Variants in ZNF804B observed in about 807,000 individuals in gnomAD.
ZNF804B encodes zinc finger 804B.
A neutral mutation model predicts 101.4 loss-of-function variants in ZNF804B; 80 were observed. That is an observed-to-expected ratio of 0.79 (90% CI 0.66 to 0.95). ZNF804B has a LOEUF of 0.95. Ranked by LOEUF, ZNF804B falls within the 40% of genes least tolerant of loss-of-function variation. ZNF804B has a pLI of 0.00. For missense variants in ZNF804B, 1,673 were observed against 1,561.9 expected, an observed-to-expected ratio of 1.07 and a Z score of -1.20; for synonymous variants, 622 against 558.8, an observed-to-expected ratio of 1.11 and a Z score of -1.59.
intron 1 of ZNF804B, 103 bp downstream of exon 1, chr7:88,760,187 C>T: frequency 2.2e-6 from 2 of 927,896 alleles, no homozygotes; most frequent in Non-Finnish European, 3.4e-6. Flanking sequence ...AGGTGGTGGA[C>T]ATCTAAAACG....
intron 1 of ZNF804B, among the ~76,000 whole-genome samples, chr7:88,798,933 C>T (rs1314012875): frequency 1.3e-5 from 2 of 152,042 alleles, no homozygotes; most frequent in Non-Finnish European, 2.9e-5. Flanking sequence ...TGTTATTCTA[C>T]CCAGAGTGAT....
chr7:89,231,755 T>G (rs554449855), intron 2 of ZNF804B, among the ~76,000 whole-genome samples: 1 of 152,200 alleles, frequency 6.6e-6, no homozygotes, highest in East Asian at 1.9e-4. Context: ...ATCCAATAGA[T>G]TTTTTATATT....
chr7:89,303,474 G>T (rs928679975), intron 2 of ZNF804B, among the ~76,000 whole-genome samples: 2 of 151,856 alleles, frequency 1.3e-5, no homozygotes, highest in Admixed American at 1.3e-4. Context: ...ACCAGCTAGG[G>T]CTCAGGAGTC....
chr7:89,174,666 C>A (rs1456701937), intron 1 of ZNF804B, among the ~76,000 whole-genome samples: 1 of 151,896 alleles, frequency 6.6e-6, no homozygotes, highest in African/African-American at 2.4e-5. Flanking sequence ...TTTTGAGGAA[C>A]CTCCATAGTA....
intron 2 of ZNF804B, among the ~76,000 whole-genome samples, chr7:89,265,570 T>C (rs1309006302): frequency 6.6e-6 from 1 of 152,218 alleles, no homozygotes; most frequent in African/African-American, 2.4e-5. Context: ...TACAGAAGGA[T>C]AGTAAAATCT....
At chr7:89,096,145 A>G (rs1789968740) in intron 1 of ZNF804B, among the ~76,000 whole-genome samples, 1 of 109,858 alleles carries the variant, frequency 9.1e-6, no homozygotes. Flanking sequence ...ACAGAGCCAG[A>G]CTCCATTTAA....
chr7:89,259,081 T>C (rs1253854718), intron 2 of ZNF804B, among the ~76,000 whole-genome samples: 1 of 152,158 alleles, frequency 6.6e-6, no homozygotes, highest in African/African-American at 2.4e-5. Flanking sequence ...ATAAGATAAG[T>C]CAAAAGTAGT....
chr7:89,268,868 T>C (rs1413481631), intron 2 of ZNF804B, among the ~76,000 whole-genome samples: 1 of 152,044 alleles, frequency 6.6e-6, no homozygotes, highest in African/African-American at 2.4e-5. Flanking sequence ...GTACACTCTT[T>C]AGACAAGTGC....
intron 1 of ZNF804B, among the ~76,000 whole-genome samples, chr7:89,033,961 C>T (rs1432246429): frequency 1.3e-5 from 2 of 151,950 alleles, no homozygotes; most frequent in Non-Finnish European, 2.9e-5. Flanking sequence ...TCAACATTTA[C>T]AATACAAGTT....
chr7:88,770,290 T>A (rs1353203521), intron 1 of ZNF804B, among the ~76,000 whole-genome samples: 1 of 152,112 alleles, frequency 6.6e-6, no homozygotes, highest in Non-Finnish European at 1.5e-5. Context: ...GATCACACAG[T>A]GGGGTCCAAC....
intron 2 of ZNF804B, among the ~76,000 whole-genome samples, chr7:89,298,277 A>G (rs937731274): frequency 4.1e-5 from 5 of 122,188 alleles, no homozygotes; most frequent in African/African-American, 1.5e-4. Context: ...TCTAGGTTAC[A>G]TGTGCAGAAC....
At chr7:89,173,718 TATCC>T (rs1230504649) in intron 1 of ZNF804B, among the ~76,000 whole-genome samples, 1 of 151,976 alleles carries the variant, frequency 6.6e-6, no homozygotes, top group Non-Finnish European at 1.5e-5. Flanking sequence ...GTCTTCTGTC[TATCC>T]ATCCATTTAT....
At chr7:88,934,538 C>G (rs776583519) in intron 1 of ZNF804B, among the ~76,000 whole-genome samples, 2 of 151,632 alleles carry the variant, frequency 1.3e-5, no homozygotes, top group South Asian at 2.1e-4. Context: ...ACAAGGAACT[C>G]AAATCGGCAA....
intron 1 of ZNF804B, among the ~76,000 whole-genome samples, chr7:89,073,585 A>G (rs1789573905): frequency 6.6e-6 from 1 of 152,114 alleles, no homozygotes; most frequent in Admixed American, 6.6e-5. Context: ...ATTTTTTAAG[A>G]ACTTTTTCTA....
chr7:89,008,365 A>G (rs1788401211), intron 1 of ZNF804B, among the ~76,000 whole-genome samples: 1 of 152,176 alleles, frequency 6.6e-6, no homozygotes, highest in Non-Finnish European at 1.5e-5. Context: ...TATCCTCAGT[A>G]TGCTCGCCAT....
intron 1 of ZNF804B, among the ~76,000 whole-genome samples, chr7:88,900,535 C>A (rs1057109614): frequency 6.8e-6 from 1 of 146,766 alleles, no homozygotes; most frequent in Non-Finnish European, 1.5e-5. Context: ...TAAATTTGGT[C>A]ATTCCAAAAA....
chr7:89,048,590 T>A (rs989786601), intron 1 of ZNF804B, among the ~76,000 whole-genome samples: 1 of 151,842 alleles, frequency 6.6e-6, no homozygotes, highest in African/African-American at 2.4e-5. Context: ...TTAAAAATAA[T>A]AAAAAGCCCT....
At chr7:89,254,854 C>T (rs1584085794) in intron 2 of ZNF804B, among the ~76,000 whole-genome samples, 1 of 152,164 alleles carries the variant, frequency 6.6e-6, no homozygotes, top group African/African-American at 2.4e-5. Context: ...CCATGTTGGC[C>T]AAGCTGGTTG....
chr7:89,193,457 C>T (rs545235456), intron 1 of ZNF804B, among the ~76,000 whole-genome samples: 6 of 145,554 alleles, frequency 4.1e-5, no homozygotes, highest in African/African-American at 1.3e-4. Flanking sequence ...TGCTATCCCT[C>T]ACCCCTCCCC....
Sources: gnomAD v4.1 joint callset for allele counts (sites outside exome capture counted in the v4.1 genomes callset) on GRCh38, gnomAD v4.1.1 for gene constraint, MANE v1.5 for transcripts, NCBI Gene and HGNC (gene_info 2026-07-23, HGNC 2026-07-21) for gene names.